The following OSBPL10 variants were observed in gnomAD, a reference collection of about 807,000 sequenced individuals.
OSBPL10 encodes the protein oxysterol binding protein like 10, also known as oxysterol-binding protein-related protein 10.
In OSBPL10, 49 loss-of-function variants were observed where a neutral mutation model predicts 81.7. The observed-to-expected ratio is 0.60, with a 90% confidence interval of 0.48 to 0.76. The LOEUF is 0.76. Ranked by LOEUF, OSBPL10 falls within the 30% of genes least tolerant of loss-of-function variation. The pLI, the probability that OSBPL10 is intolerant of heterozygous loss-of-function variation, is 0.00. For missense variants in OSBPL10, 923 were observed against 987.8 expected (o/e 0.93, Z 0.88); for synonymous variants, 419 against 383.6 (o/e 1.09, Z -1.08).
intron 1 of OSBPL10, among the ~76,000 whole-genome samples, chr3:31,951,881 G>A (rs2125446090): frequency 6.6e-6 from 1 of 152,158 alleles, no homozygotes. Context: ...TTAACACCGT[G>A]CTATACTCTT....
intron 4 of OSBPL10, among the ~76,000 whole-genome samples, chr3:31,752,270 A>G (rs1697745181): frequency 3.9e-5 from 6 of 152,234 alleles, no homozygotes; most frequent in Admixed American, 2.0e-4. Flanking sequence ...TCCAAGGCAC[A>G]CCAACATTAA....
At chr3:31,762,348 G>A (rs965521800) in intron 4 of OSBPL10, among the ~76,000 whole-genome samples, 1 of 152,062 alleles carries the variant, frequency 6.6e-6, no homozygotes, top group Non-Finnish European at 1.5e-5. Flanking sequence ...ATAGAAACAG[G>A]GCCATTTCAC....
chr3:31,716,977 A>G (rs540458596), intron 6 of OSBPL10: 1 of 152,332 alleles, frequency 6.6e-6, no homozygotes, highest in African/African-American at 2.4e-5. Flanking sequence ...AGCGTACGAT[A>G]ACACAAAGGA....
In OSBPL10 at chr3:31,683,638, C is replaced by T. The variant is rs1700711071; in HGVS notation, c.1722G>A (p.Gly574=). The change falls in exon 8 of 12, where the codon GGG becomes GGA. Residue 574 remains glycine (G), a synonymous_variant. Coordinates refer to ENST00000396556, the MANE Select transcript of OSBPL10 (RefSeq NM_017784.5). ...CCAACATACGACATGGCTTACCTTCCCCTATCATAGAGACCCCCACGGACA... is the reference window on the plus strand; with the variant it reads ...CCAACATACGACATGGCTTACCTTCTCCTATCATAGAGACCCCCACGGACA... ...MGMSVGVSMI[G]EGVLRLLEHG... 6 of 1,606,842 alleles carry T rather than the reference C, an allele frequency of 3.7e-6. No homozygotes were observed. Among genetic ancestry groups the T allele is most frequent in the East Asian group, 4.5e-5 (2 of 44,688 alleles).
At chr3:31,809,887 TTGAGATGGA>T (rs1699630762) in intron 4 of OSBPL10, among the ~76,000 whole-genome samples, 1 of 150,206 alleles carries the variant, frequency 6.7e-6, no homozygotes, top group African/African-American at 2.5e-5. Context: ...TTTTTTTTTT[TTGAGATGGA>T]GTTTTGCTTT....
chr3:31,908,133 G>C (rs1168049453), intron 1 of OSBPL10, among the ~76,000 whole-genome samples: 2 of 152,122 alleles, frequency 1.3e-5, no homozygotes, highest in African/African-American at 4.8e-5. Flanking sequence ...TGGTGTGCTG[G>C]AGAAACAGCC....
chr3:31,722,058 G>A (rs187045761), intron 6 of OSBPL10, among the ~76,000 whole-genome samples: 1 of 152,156 alleles, frequency 6.6e-6, no homozygotes, highest in Non-Finnish European at 1.5e-5. Context: ...CAAATGCTGA[G>A]GAGAAAAAAG....
chr3:31,958,208 T>C (rs1196274558), intron 1 of OSBPL10, among the ~76,000 whole-genome samples: 3 of 152,212 alleles, frequency 2.0e-5, no homozygotes, highest in Non-Finnish European at 4.4e-5. Context: ...AATAGCCAAT[T>C]ACCTGATTTA....
intron 1 of OSBPL10, among the ~76,000 whole-genome samples, chr3:31,915,926 T>C (rs1696745467): frequency 6.6e-6 from 1 of 151,756 alleles, no homozygotes; most frequent in Non-Finnish European, 1.5e-5. Flanking sequence ...AAACCCCGTC[T>C]CTACTAAAAA....
chr3:31,762,215 A>G (rs1315543024), intron 4 of OSBPL10, among the ~76,000 whole-genome samples: 1 of 152,184 alleles, frequency 6.6e-6, no homozygotes, highest in Non-Finnish European at 1.5e-5. Context: ...CCCAGCATTT[A>G]GCTCAAGGAA....
At chr3:31,938,543 T>C (rs13314513) in intron 1 of OSBPL10, among the ~76,000 whole-genome samples, 4,340 of 152,206 alleles carry the variant, frequency 0.029, 218 homozygotes, top group African/African-American at 0.1. Context: ...AGAGCCCACT[T>C]TGTCGCCCAG....
At chr3:32,018,496 A>G (rs1699334530) in intron 2 of OSBPL10, among the ~76,000 whole-genome samples, 1 of 152,222 alleles carries the variant, frequency 6.6e-6, no homozygotes, top group Non-Finnish European at 1.5e-5. Flanking sequence ...AGGGAAAACC[A>G]GAGCATAAAA....
chr3:31,833,705 G>GCGCGCACACA (rs1553631714), intron 3 of OSBPL10, among the ~76,000 whole-genome samples: 2 of 138,040 alleles, frequency 1.4e-5, no homozygotes, highest in East Asian at 4.4e-4. Flanking sequence ...ACACGCACAC[G>GCGCGCACACA]CACACACACA....
intron 6 of OSBPL10, among the ~76,000 whole-genome samples, chr3:31,705,378 C>A (rs560444450): frequency 2.9e-5 from 4 of 138,356 alleles, no homozygotes; most frequent in South Asian, 5.3e-4. Context: ...GAAGACCCCC[C>A]CCCCCACCCC....
At chr3:31,804,325 C>T (rs1366394009) in intron 4 of OSBPL10, among the ~76,000 whole-genome samples, 2 of 152,130 alleles carry the variant, frequency 1.3e-5, no homozygotes, top group South Asian at 2.1e-4. Context: ...ATATTATCTC[C>T]GTTTTACAGA....
intron 8 of OSBPL10, 35 bp downstream of exon 8, chr3:31,683,599 G>A: frequency 1.9e-6 from 3 of 1,592,498 alleles, no homozygotes; most frequent in Non-Finnish European, 2.6e-6. Context: ...ACGTCACTGT[G>A]TAAGAGCCAA....
chr3:31,864,552 A>G (rs1232120238), intron 3 of OSBPL10, among the ~76,000 whole-genome samples: 1 of 152,056 alleles, frequency 6.6e-6, no homozygotes, highest in Non-Finnish European at 1.5e-5. Context: ...ATACTTAACC[A>G]TATAAAGTAT....
Position 31,668,818 on chromosome 3 carries a change from G to C in OSBPL10, c.1920C>G (p.Thr640=). 9 of 1,605,372 alleles carry C rather than the reference G, an allele frequency of 5.6e-6. No individual in the cohort carries two copies. Among genetic ancestry groups the C allele is most frequent in the Non-Finnish European group, 6.8e-6 (8 of 1,174,512 alleles). The change falls in exon 10 of 12, where the codon ACC becomes ACG. Residue 640 remains threonine (T), a synonymous_variant. Coordinates refer to ENST00000396556, the MANE Select transcript of OSBPL10 (RefSeq NM_017784.5). ...PFYGGKVHRV[T]AEVKHNPTNT... The stretch of plus-strand genomic sequence containing the variant: ...TGGTTGGGTTGTGCTTCACTTCTGC[G>C]GTAACCCTGAATTAATGAGTCAAAT...
intron 1 of OSBPL10, among the ~76,000 whole-genome samples, chr3:31,945,693 C>T (rs77269891): frequency 0.083 from 12,557 of 152,184 alleles, 1,137 homozygotes; most frequent in African/African-American, 0.23. Flanking sequence ...CTTCTCCAGA[C>T]GCTCAGGATG....
Sources: gnomAD v4.1 joint callset for allele counts (sites outside exome capture counted in the v4.1 genomes callset) on GRCh38, gnomAD v4.1.1 for gene constraint, MANE v1.5 for transcripts, NCBI Gene and HGNC (gene_info 2026-07-23, HGNC 2026-07-21) for gene names.